IL32: variants seen among roughly 807,000 people sequenced by gnomAD.
IL32 encodes the protein interleukin-32.
IL32 carries 30 observed loss-of-function variants against 16.6 expected under a neutral mutation model. The ratio of observed to expected loss-of-function variants is 1.81; its 90% CI spans 1.35 to 2.45. The LOEUF (loss-of-function observed/expected upper bound fraction) is 2.45, where lower values mean the gene tolerates loss of function less well. Among genes scored for constraint, IL32 ranks in the 30% most tolerant of loss-of-function variants. IL32 has a pLI of 0.00. For synonymous variants in IL32, 70 were observed against 86.1 expected (o/e 0.81, Z 1.03); for missense variants, 234 against 229.8 (o/e 1.02, Z -0.12).
intron 5 of IL32, 75 bp from the exon 6 acceptor site, chr16:3,068,105 C>G: frequency 6.2e-7 from 1 of 1,603,180 alleles, no homozygotes; most frequent in South Asian, 1.1e-5. Context: ...TGGGAATCAC[C>G]TGGACCAGTG....
intron 2 of IL32, 98 bp from the exon 3 acceptor site, chr16:3,067,279 G>C (rs1370999814): frequency 1.4e-4 from 61 of 422,668 alleles, no homozygotes; most frequent in Middle Eastern, 6.1e-4. Context: ...CTCTGTGTGT[G>C]TGTGTGTGTG....
At position 3,069,383 on chromosome 16, in the gene IL32, C is replaced by T. The variant is rs79583387; in HGVS notation, c.*28C>T. 286 of 1,469,938 alleles carry T rather than the reference C, an allele frequency of 1.9e-4. No individual in the cohort carries two copies. In the African/African-American group the frequency reaches 3.3e-3, roughly 17 times the overall value. The allele number at this position is 1,469,938 out of a possible 1,614,324, so 91.1% of individuals were successfully genotyped here. ...ATACTGACACCACCTTTGCCCTCCCCGTCACCGCGCACCCACCCTGACCCC... is the reference window on the plus strand; with the variant it reads ...ATACTGACACCACCTTTGCCCTCCCTGTCACCGCGCACCCACCCTGACCCC... On this transcript the variant is annotated 3_prime_UTR_variant, in exon 7 of 7. Transcript: ENST00000525643.
chr16:3,067,518 C>A, intron 3 of IL32, 36 bp from the exon 4 acceptor site: 1 of 1,614,042 alleles, frequency 6.2e-7, no homozygotes, highest in Non-Finnish European at 8.5e-7. Flanking sequence ...GGACAAGGAT[C>A]CGGCCCTTTG....
Position 3,065,841 on chromosome 16 carries a change from G to T in IL32, c.15+15G>T. The T allele has an allele frequency of 6.2e-7, 1 of 1,614,090 alleles. No homozygotes were observed. The highest frequency in any genetic ancestry group is 8.5e-7 in the Non-Finnish European group (1 of 1,180,038). The stretch of plus-strand genomic sequence containing the variant: ...GCTTCCCGAAGGTGAGTGAGAGGCT[G>T]CGTGTGCTTTTGTGGGCATGTCTGA... On this transcript the variant is annotated intron_variant, in intron 2 of 6. Coordinates refer to ENST00000525643, the MANE Select transcript of IL32 (RefSeq NM_001376923.1).
intron 6 of IL32, 197 bp downstream of exon 6, chr16:3,068,436 G>T (rs1441625489): frequency 8.1e-5 from 48 of 591,630 alleles, no homozygotes; most frequent in South Asian, 3.2e-4. Flanking sequence ...CTGACAAGTA[G>T]TTGGGACTAC....
At position 3,067,409 on chromosome 16, in the gene IL32, C is replaced by T. The variant is rs762863243; in HGVS notation, c.48C>T (p.Ala16=). ...VLSDDMKKLK[A]RMHQAIERFY... ...CTGATGACATGAAGAAGCTGAAGGC[C>T]CGAATGGTAATGCTCCTCCCTACTT... The change falls in exon 3 of 7, where the codon GCC becomes GCT. Residue 16 remains alanine (A), a synonymous_variant. Coordinates refer to ENST00000525643, the MANE Select transcript of IL32 (RefSeq NM_001376923.1). 25 of 1,574,834 alleles carry T rather than the reference C, an allele frequency of 1.6e-5. No individual in the cohort carries two copies. The highest frequency in any genetic ancestry group is 3.7e-5 in the Admixed American group (2 of 53,774).
chr16:3,067,986 G>T lies in IL32; in HGVS notation c.117G>T (p.Val39=). The T allele has an allele frequency of 6.2e-7, 1 of 1,614,158 alleles. No homozygotes were observed. The highest frequency in any genetic ancestry group is 2.2e-5 in the East Asian group (1 of 44,874). ...ACCGAGTGCTTTGTTCCTAACAGGTGATGTCGAGCCTGGCAGAGCTGGAGG... is the reference window on the plus strand; with the variant it reads ...ACCGAGTGCTTTGTTCCTAACAGGTTATGTCGAGCCTGGCAGAGCTGGAGG... ...MQNAESGRGQ[V]MSSLAELEDD... is the part of the protein sequence containing the mutation. Residue 39 remains valine, a splice_region_variant and synonymous_variant, in exon 5 of 7, where the codon GTG becomes GTT. Coordinates refer to ENST00000525643, the MANE Select transcript of IL32 (RefSeq NM_001376923.1).
rs191418775 is a variant in IL32, at chr16:3,067,910, C to T, written c.115-74C>T. On this transcript the variant is annotated intron_variant, in intron 4 of 6. Coordinates refer to ENST00000525643, the MANE Select transcript of IL32 (RefSeq NM_001376923.1). The stretch of plus-strand genomic sequence containing the variant: ...GGGGTGTGTGGGAGCTGAGGACTCA[C>T]TGGGCTTGAGGACTGACTGATGTGG... 27 of 1,554,032 alleles carry T rather than the reference C, an allele frequency of 1.7e-5. No homozygotes were observed. In the Admixed American group the frequency reaches 3.5e-4, roughly 20 times the overall value.
rs201698562 is a variant in IL32, at chr16:3,068,951, C to T, written c.202-39C>T. ...TGTGGCCAGGGCCTGGGGCTGACAC[C>T]CCCACCTACAGACCCTGAATGGTGC... On this transcript the variant is annotated intron_variant, in intron 6 of 6. Transcript: ENST00000525643. The T allele has an allele frequency of 7.8e-4, 1,255 of 1,599,486 alleles. 2 individuals carry two copies. Among genetic ancestry groups the T allele is most frequent in the Non-Finnish European group, 1.0e-3 (1,179 of 1,172,174 alleles).
At chr16:3,067,838 C>A in intron 4 of IL32, 146 bp from the exon 5 acceptor site, 2 of 1,000,626 alleles carry the variant, frequency 2.0e-6, no homozygotes, top group Non-Finnish European at 3.1e-6. Context: ...CTTGAGGAAA[C>A]AACAGGGGTG....
chr16:3,067,844 G>A (rs541540617), intron 4 of IL32, 140 bp from the exon 5 acceptor site: 1 of 1,021,958 alleles, frequency 9.8e-7, no homozygotes, highest in Non-Finnish European at 1.5e-6. Flanking sequence ...GAAACAACAG[G>A]GGTGCCAGAC....
At position 3,068,246 on chromosome 16, in the gene IL32, A is replaced by T; in HGVS notation, c.201+7A>T. 2 of 1,589,482 alleles carry T rather than the reference A, an allele frequency of 1.3e-6. No individual in the cohort carries two copies. The highest frequency in any genetic ancestry group is 1.7e-6 in the Non-Finnish European group (2 of 1,167,250). ...TTATGAGGAGCAGCACCCAGTGAGTATGACACACCCATCTGGGCACCTTGC... is the reference window on the plus strand; with the variant it reads ...TTATGAGGAGCAGCACCCAGTGAGTTTGACACACCCATCTGGGCACCTTGC... On this transcript the variant is annotated splice_region_variant and intron_variant, in intron 6 of 6. Coordinates refer to ENST00000525643, the MANE Select transcript of IL32 (RefSeq NM_001376923.1).
At chr16:3,068,937 C>T (rs1454653207) in intron 6 of IL32, 53 bp from the exon 7 acceptor site, 1 of 1,601,068 alleles carries the variant, frequency 6.2e-7, no homozygotes, top group Admixed American at 1.7e-5. Context: ...GTGGCCAGGG[C>T]CTGGGGCTGA....
chr16:3,066,641 G>A (rs547526540), intron 2 of IL32, among the ~76,000 whole-genome samples: 2 of 152,308 alleles, frequency 1.3e-5, no homozygotes, highest in Non-Finnish European at 2.9e-5. Context: ...AATGGCCCGG[G>A]ACCTGTGGGT....
intron 2 of IL32, 70 bp from the exon 3 acceptor site, chr16:3,067,290 TGTGTGTGTGTGTGTGTG>T: frequency 1.6e-6 from 1 of 637,462 alleles, no homozygotes; most frequent in Admixed American, 3.0e-5. Flanking sequence ...TGTGTGTGTG[TGTGTGTGTGTGTGTGTG>T]TGTATAAATT....
rs761494040 is a variant in IL32, at chr16:3,068,980, C to A, written c.202-10C>A. The A allele has an allele frequency of 1.3e-6, 2 of 1,583,504 alleles. No homozygotes were observed. The highest frequency in any genetic ancestry group is 1.2e-5 in the South Asian group (1 of 85,476). ...ACCTACAGACCCTGAATGGTGCTCC[C>A]ATTCCACAGGAGCTCACTCCTCTAC... On this transcript the variant is annotated splice_polypyrimidine_tract_variant and intron_variant, in intron 6 of 6. Coordinates refer to ENST00000525643, the MANE Select transcript of IL32 (RefSeq NM_001376923.1).
At chr16:3,067,787 C>T (rs185645284) in intron 4 of IL32, 174 bp downstream of exon 4, 20 of 805,586 alleles carry the variant, frequency 2.5e-5, no homozygotes, top group East Asian at 1.0e-4. Context: ...GGGATCTGGA[C>T]GCCCGGGGAG....
intron 2 of IL32, among the ~76,000 whole-genome samples, chr16:3,066,487 A>G (rs1241182374): frequency 6.6e-6 from 1 of 151,240 alleles, no homozygotes; most frequent in African/African-American, 2.4e-5. Flanking sequence ...GGCCCTGCGC[A>G]CTCTGTGGGT....
chr16:3,068,790 C>A (rs1336968089), intron 6 of IL32, 200 bp from the exon 7 acceptor site: 1 of 809,808 alleles, frequency 1.2e-6, no homozygotes, highest in Non-Finnish European at 1.9e-6. Context: ...CACACCCATC[C>A]TGTCACTGCC....
Sources: allele counts gnomAD v4.1 joint callset (sites outside exome capture counted in the v4.1 genomes callset), GRCh38; gene constraint gnomAD v4.1.1; transcripts MANE v1.5; gene names NCBI Gene and HGNC (gene_info 2026-07-23, HGNC 2026-07-21).